The following PRELID2 variants were observed in gnomAD, a reference collection of about 807,000 sequenced individuals.
PRELID2 encodes the protein PRELI domain-containing protein 2.
In PRELID2, 25 loss-of-function variants were observed where a neutral mutation model predicts 28.4. The observed-to-expected ratio is 0.88, with a 90% CI of 0.64 to 1.23. PRELID2 has a LOEUF of 1.23. Among genes scored for constraint, PRELID2 ranks in the 50% most tolerant of loss-of-function variants. PRELID2 has a pLI of 0.00. For synonymous variants in PRELID2, 76 were observed against 71.6 expected, an observed-to-expected ratio of 1.06 and a Z score of -0.31; for missense variants, 201 against 214.4, an observed-to-expected ratio of 0.94 and a Z score of 0.39.
chr5:145,821,149 C>CTGGG (rs1554100246), intron 2 of PRELID2, among the ~76,000 whole-genome samples: 1 of 29,864 alleles, frequency 3.3e-5, no homozygotes. Context: ...TCCAACTCTC[C>CTGGG]TGGGTGTGTG....
chr5:145,607,057 A>T (rs1269383912), intron 1 of PRELID2, among the ~76,000 whole-genome samples: 1 of 151,824 alleles, frequency 6.6e-6, no homozygotes, highest in African/African-American at 2.4e-5. Context: ...TCACTGAGAG[A>T]TTTTTATATT....
chr5:145,366,692 A>C, the PRELID2 span, among the ~76,000 whole-genome samples: 1 of 151,994 alleles, frequency 6.6e-6, no homozygotes, highest in Non-Finnish European at 1.5e-5. Context: ...TGTTCTCACA[A>C]ACCAAAGCGT....
At chr5:145,808,390 G>A (rs1462667412) in intron 4 of PRELID2, among the ~76,000 whole-genome samples, 6 of 151,810 alleles carry the variant, frequency 4.0e-5, no homozygotes, top group Non-Finnish European at 7.4e-5. Context: ...TGAAAAAATG[G>A]GACACACCAA....
At chr5:145,800,163 T>C (rs1753034741) in intron 4 of PRELID2, among the ~76,000 whole-genome samples, 1 of 152,152 alleles carries the variant, frequency 6.6e-6, no homozygotes, top group Admixed American at 6.6e-5. Context: ...ACTGTCATTT[T>C]GGTCAAAATG....
chr5:145,545,926 T>C (rs1462681199), intron 1 of PRELID2, among the ~76,000 whole-genome samples: 1 of 152,126 alleles, frequency 6.6e-6, no homozygotes, highest in Non-Finnish European at 1.5e-5. Flanking sequence ...AAAAGTGACA[T>C]AGAAGTGGAA....
At chr5:145,592,968 G>T (rs1753253168) in intron 1 of PRELID2, among the ~76,000 whole-genome samples, 1 of 152,096 alleles carries the variant, frequency 6.6e-6, no homozygotes, top group Admixed American at 6.6e-5. Flanking sequence ...TAATCATGTT[G>T]TTGGCAATAA....
chr5:145,742,323 GAT>G (rs1426748813), intron 1 of PRELID2, among the ~76,000 whole-genome samples: 6 of 61,166 alleles, frequency 9.8e-5, no homozygotes, highest in African/African-American at 1.9e-4. Flanking sequence ...AATAAAAATA[GAT>G]ATATTTTTTT....
rs138030239 is a variant in PRELID2, at chr5:145,772,283, G to T, written c.475-7283C>A. 1.1e-4 allele frequency among the ~76,000 whole-genome samples: 16 copies of T among 152,160 alleles called. No homozygotes were observed. In the East Asian group the frequency reaches 3.1e-3, roughly 29 times the overall value. On this transcript the variant is annotated intron_variant, in intron 5 of 6. Transcript: ENST00000683046. ...TAACTAAACCTCAATTTGACAGGAG[G>T]CAATCAGGCTCAAGAATCCAGGACC... is the stretch of plus-strand genomic sequence containing the variant.
At chr5:145,721,165 G>C (rs1432104214) in intron 1 of PRELID2, among the ~76,000 whole-genome samples, 1 of 152,018 alleles carries the variant, frequency 6.6e-6, no homozygotes, top group Non-Finnish European at 1.5e-5. Flanking sequence ...AGCCATCAGA[G>C]CAATGATATC....
At chr5:145,653,403 T>C (rs1754334278) in intron 1 of PRELID2, among the ~76,000 whole-genome samples, 1 of 152,226 alleles carries the variant, frequency 6.6e-6, no homozygotes, top group African/African-American at 2.4e-5. Flanking sequence ...GTGGACCTAA[T>C]AGACATCTAC....
At chr5:145,802,239 A>T (rs1486153679) in intron 4 of PRELID2, among the ~76,000 whole-genome samples, 2 of 152,240 alleles carry the variant, frequency 1.3e-5, no homozygotes, top group Non-Finnish European at 2.9e-5. Context: ...TGTTATCAAC[A>T]GTGCTGTTAT....
chr5:145,807,384 AGTCACCAC>A (rs376514752), intron 4 of PRELID2, among the ~76,000 whole-genome samples: 12 of 152,306 alleles, frequency 7.9e-5, no homozygotes, highest in African/African-American at 2.9e-4. Flanking sequence ...AACTTTAAAC[AGTCACCAC>A]ACTTTGAAAA....
the PRELID2 span, among the ~76,000 whole-genome samples, chr5:145,451,252 CCA>C: frequency 6.6e-6 from 1 of 152,116 alleles, no homozygotes; most frequent in East Asian, 1.9e-4. Context: ...CACAAGCACT[CCA>C]CAGTCATTCA....
At chr5:145,346,605 C>A in the PRELID2 span, among the ~76,000 whole-genome samples, 1 of 152,086 alleles carries the variant, frequency 6.6e-6, no homozygotes, top group Non-Finnish European at 1.5e-5. Flanking sequence ...GCTATAATTG[C>A]AAAATGAGCA....
the PRELID2 span, among the ~76,000 whole-genome samples, chr5:145,372,528 T>C: frequency 1.3e-5 from 2 of 152,014 alleles, no homozygotes; most frequent in African/African-American, 4.8e-5. Context: ...ATCTGGGTGC[T>C]CTTGTATTGG....
the PRELID2 span, among the ~76,000 whole-genome samples, chr5:145,409,502 T>C: frequency 7.2e-5 from 11 of 152,104 alleles, no homozygotes; most frequent in Non-Finnish European, 1.2e-4. Flanking sequence ...AGGCCTCACA[T>C]AAACTTAAGG....
At chr5:145,366,414 G>A in the PRELID2 span, among the ~76,000 whole-genome samples, 2 of 151,780 alleles carry the variant, frequency 1.3e-5, no homozygotes, top group Non-Finnish European at 2.9e-5. Context: ...CAGGAATTTG[G>A]AGTATTGCTT....
At chr5:145,274,839 C>A in the PRELID2 span, among the ~76,000 whole-genome samples, 1 of 152,070 alleles carries the variant, frequency 6.6e-6, no homozygotes, top group Non-Finnish European at 1.5e-5. Context: ...ACATAACAAA[C>A]CACCACAGAC....
chr5:145,412,973 G>A, the PRELID2 span, among the ~76,000 whole-genome samples: 1 of 151,934 alleles, frequency 6.6e-6, no homozygotes, highest in African/African-American at 2.4e-5. Context: ...AACCGCATGG[G>A]GGAAACCACC....
Sources: allele counts gnomAD v4.1 joint callset (sites outside exome capture counted in the v4.1 genomes callset), GRCh38; gene constraint gnomAD v4.1.1; transcripts MANE v1.5; gene names NCBI Gene and HGNC (gene_info 2026-07-23, HGNC 2026-07-21).